Variants in BRINP2 observed in about 807,000 individuals in gnomAD.
BRINP2 encodes the protein BMP/retinoic acid-inducible neural-specific protein 2.
BRINP2 carries 21 observed loss-of-function variants against 69.2 expected under a neutral mutation model. The ratio of observed to expected loss-of-function variants is 0.30; its 90% CI spans 0.22 to 0.44. The LOEUF (loss-of-function observed/expected upper bound fraction) is 0.44, where lower values mean the gene tolerates loss of function less well. Among genes scored for constraint, BRINP2 ranks in the 20% least tolerant of loss-of-function variants. The pLI is 1.00. For synonymous variants in BRINP2, 380 were observed against 394.1 expected, an observed-to-expected ratio of 0.96 and a Z score of 0.42; for missense variants, 877 against 986.0, an observed-to-expected ratio of 0.89 and a Z score of 1.48.
At chr1:177,247,588 C>T (rs1358601545) in intron 2 of BRINP2, among the ~76,000 whole-genome samples, 3 of 152,244 alleles carry the variant, frequency 2.0e-5, no homozygotes, top group Admixed American at 6.5e-5. Context: ...ATAGCCCAGT[C>T]TCTTTCAGCA....
chr1:177,238,436 G>C (rs976949236), intron 2 of BRINP2, among the ~76,000 whole-genome samples: 23 of 152,352 alleles, frequency 1.5e-4, no homozygotes, highest in Admixed American at 1.5e-3. Context: ...CTAATCCTAA[G>C]TGAAGCAACT....
Position 177,278,794 on chromosome 1 carries a change from C to T in BRINP2, c.1235+9C>T. On this transcript the variant is annotated intron_variant, in intron 7 of 7. Transcript: ENST00000361539. ...CGCCTGCCCAAGGAGAGGTGAGCACCCCCTGGCTGCTACAGCCAGAGCTCA... is the reference window on the plus strand; with the variant it reads ...CGCCTGCCCAAGGAGAGGTGAGCACTCCCTGGCTGCTACAGCCAGAGCTCA... The T allele has an allele frequency of 1.2e-6, 2 of 1,613,186 alleles. No homozygotes were observed. Among genetic ancestry groups the T allele is most frequent in the Non-Finnish European group, 1.7e-6 (2 of 1,179,816 alleles).
intron 1 of BRINP2, 107 bp from the exon 2 acceptor site, chr1:177,229,694 C>G (rs1488633792): frequency 1.1e-5 from 8 of 733,780 alleles, no homozygotes; most frequent in African/African-American, 5.4e-5. Flanking sequence ...AGTTATGTTA[C>G]TAGCATAAAG....
At chr1:177,198,140 A>C (rs1056172545) in intron 1 of BRINP2, among the ~76,000 whole-genome samples, 3 of 152,220 alleles carry the variant, frequency 2.0e-5, no homozygotes, top group African/African-American at 7.2e-5. Context: ...TGAGTCTAAA[A>C]TATGAATATA....
intron 4 of BRINP2, among the ~76,000 whole-genome samples, chr1:177,262,148 T>C (rs1650974054): frequency 2.0e-5 from 3 of 152,110 alleles, no homozygotes; most frequent in African/African-American, 7.2e-5. Context: ...TGGGGAGCGA[T>C]GTGGGGTCAT....
At chr1:177,210,446 A>G (rs1481092016) in intron 1 of BRINP2, among the ~76,000 whole-genome samples, 1 of 152,118 alleles carries the variant, frequency 6.6e-6, no homozygotes, top group East Asian at 1.9e-4. Flanking sequence ...TCATAAAGTT[A>G]CAGTACATAT....
chr1:177,262,304 G>A (rs564196510), intron 4 of BRINP2, among the ~76,000 whole-genome samples: 7 of 152,220 alleles, frequency 4.6e-5, no homozygotes, highest in Admixed American at 3.9e-4. Context: ...ACAAGGTCAA[G>A]AGATCAAGAC....
At chr1:177,216,623 A>T (rs1649385561) in intron 1 of BRINP2, among the ~76,000 whole-genome samples, 1 of 151,156 alleles carries the variant, frequency 6.6e-6, no homozygotes, top group African/African-American at 2.4e-5. Context: ...AATAATTAGC[A>T]TCTTTTAGTT....
intron 2 of BRINP2, among the ~76,000 whole-genome samples, chr1:177,253,381 T>TA (rs919476317): frequency 6.6e-6 from 1 of 151,830 alleles, no homozygotes; most frequent in African/African-American, 2.4e-5. Flanking sequence ...TTCTGACCAT[T>TA]AAAAAAAATG....
At chr1:177,193,937 T>G (rs1369250478) in intron 1 of BRINP2, among the ~76,000 whole-genome samples, 1 of 152,216 alleles carries the variant, frequency 6.6e-6, no homozygotes, top group Non-Finnish European at 1.5e-5. Context: ...ACGGACTTGC[T>G]CAAGGTCACT....
intron 1 of BRINP2, among the ~76,000 whole-genome samples, chr1:177,224,712 T>C (rs183653354): frequency 5.6e-4 from 86 of 152,276 alleles, no homozygotes; most frequent in African/African-American, 2.0e-3. Flanking sequence ...AATTTAATTA[T>C]CCATTTCTGC....
intron 2 of BRINP2, among the ~76,000 whole-genome samples, chr1:177,254,336 C>T (rs1650680307): frequency 6.6e-6 from 1 of 151,492 alleles, no homozygotes; most frequent in Admixed American, 6.6e-5. Flanking sequence ...GTCATGTATT[C>T]TTCATCATTA....
intron 1 of BRINP2, among the ~76,000 whole-genome samples, chr1:177,203,687 T>C (rs571543410): frequency 6.6e-6 from 1 of 152,258 alleles, no homozygotes; most frequent in South Asian, 2.1e-4. Flanking sequence ...TTAAGGAACA[T>C]TTTTGAGTGC....
chr1:177,221,110 G>A (rs1256946331), intron 1 of BRINP2, among the ~76,000 whole-genome samples: 1 of 152,190 alleles, frequency 6.6e-6, no homozygotes, highest in South Asian at 2.1e-4. Context: ...GTCTGTAGCT[G>A]TTAGATTTAT....
chr1:177,183,330 T>A (rs1406467567), intron 1 of BRINP2, among the ~76,000 whole-genome samples: 1 of 152,050 alleles, frequency 6.6e-6, no homozygotes, highest in East Asian at 1.9e-4. Context: ...AAAAATCCAT[T>A]TTTATGCTTA....
chr1:177,249,984 T>C (rs1223939277), intron 2 of BRINP2, among the ~76,000 whole-genome samples: 1 of 152,268 alleles, frequency 6.6e-6, no homozygotes, highest in Non-Finnish European at 1.5e-5. Flanking sequence ...TGAACCTTTC[T>C]GTGGCTTAGT....
intron 1 of BRINP2, among the ~76,000 whole-genome samples, chr1:177,205,099 G>A (rs1649033378): frequency 6.6e-6 from 1 of 152,008 alleles, no homozygotes; most frequent in South Asian, 2.1e-4. Context: ...GGAACGTGTG[G>A]GGGAAGTGTC....
intron 5 of BRINP2, among the ~76,000 whole-genome samples, chr1:177,274,349 G>A (rs1036875718): frequency 6.6e-6 from 1 of 152,154 alleles, no homozygotes. Context: ...TAACTGAATT[G>A]TACTCTGTTT....
Position 177,278,755 on chromosome 1 carries a change from G to A in BRINP2, c.1205G>A (p.Arg402His), listed in dbSNP as rs578056833. 225 of 1,614,070 alleles carry A rather than the reference G, an allele frequency of 1.4e-4. 1 individual carries two copies. The South Asian group carries it at 1.5e-3, about 11-fold the overall frequency. ...TTCAACCTCTGCAAGCGCTGCCATCGCCAGCCTCGCTTCCGCCTGCCCAAG... is the reference window on the plus strand; with the variant it reads ...TTCAACCTCTGCAAGCGCTGCCATCACCAGCCTCGCTTCCGCCTGCCCAAG... ...RLFNLCKRCHRQPRFRLPKER... is the reference protein window; with the variant it reads ...RLFNLCKRCHHQPRFRLPKER... The change falls in exon 7 of 8, where the codon CGC becomes CAC. Residue 402 changes from arginine to histidine, a missense_variant. Arg to His is a conservative substitution (Grantham distance 29). Around this residue, in one of 3 missense-constraint regions of BRINP2, gnomAD observed 566 missense variants for 625.2 expected, o/e 0.91. Transcript: ENST00000361539.
Sources: gnomAD v4.1 joint callset for allele counts (sites outside exome capture counted in the v4.1 genomes callset) on GRCh38, gnomAD v4.1.1 for gene constraint, gnomAD v4.1.1 regional missense constraint, MANE v1.5 for transcripts, NCBI Gene and HGNC (gene_info 2026-07-23, HGNC 2026-07-21) for gene names.